Variants in IL1RL2 observed in about 807,000 individuals in gnomAD.
IL1RL2 encodes the protein interleukin-1 receptor-like 2.
A neutral mutation model predicts 66.8 loss-of-function variants in IL1RL2; 68 were observed. The ratio of observed to expected loss-of-function variants is 1.02; its 90% confidence interval spans 0.84 to 1.25. The LOEUF (loss-of-function observed/expected upper bound fraction) is 1.25. Among genes scored for constraint, IL1RL2 ranks in the 50% most tolerant of loss-of-function variants. The pLI, the probability that IL1RL2 is intolerant of heterozygous loss-of-function variation, is 0.00. For synonymous variants in IL1RL2, 305 were observed against 264.6 expected (o/e 1.15, Z -1.48); for missense variants, 729 against 709.3 (o/e 1.03, Z -0.32).
At chr2:102,191,045 T>A (rs934709413) in intron 3 of IL1RL2, among the ~76,000 whole-genome samples, 1 of 152,202 alleles carries the variant, frequency 6.6e-6, no homozygotes, top group Non-Finnish European at 1.5e-5. Flanking sequence ...CTACCCTTTA[T>A]CTAGATTCCT....
intron 5 of IL1RL2, among the ~76,000 whole-genome samples, chr2:102,204,871 G>A (rs1016890513): frequency 1.3e-5 from 2 of 151,490 alleles, no homozygotes; most frequent in African/African-American, 4.8e-5. Flanking sequence ...TTGATAGGTA[G>A]AACTTACTCC....
At chr2:102,220,132 A>C in intron 8 of IL1RL2, 115 bp downstream of exon 8, 1 of 893,484 alleles carries the variant, frequency 1.1e-6, no homozygotes, top group Non-Finnish European at 1.6e-6. Context: ...GTGATATTAA[A>C]GGGACAAACT....
At chr2:102,198,692 C>T (rs1687987944) in intron 4 of IL1RL2, among the ~76,000 whole-genome samples, 1 of 152,058 alleles carries the variant, frequency 6.6e-6, no homozygotes, top group Non-Finnish European at 1.5e-5. Flanking sequence ...TTGTAATCAT[C>T]ACTGAGTTCT....
chr2:102,235,673 A>G, intron 11 of IL1RL2: 1 of 985,302 alleles, frequency 1.0e-6, no homozygotes, highest in Non-Finnish European at 1.2e-6. Flanking sequence ...CTGTCGGGGG[A>G]CCACAGGAGG....
At chr2:102,225,580 G>A (rs911134494) in intron 8 of IL1RL2, among the ~76,000 whole-genome samples, 15 of 152,312 alleles carry the variant, frequency 9.8e-5, no homozygotes, top group Middle Eastern at 3.4e-3. Context: ...GAACCTGGAC[G>A]TGTGTGTTTT....
intron 4 of IL1RL2, among the ~76,000 whole-genome samples, chr2:102,197,093 C>G (rs1339915480): frequency 2.0e-5 from 3 of 151,962 alleles, no homozygotes; most frequent in Admixed American, 2.0e-4. Flanking sequence ...TCTGAGGGCC[C>G]CTAATTTTTC....
intron 6 of IL1RL2, among the ~76,000 whole-genome samples, chr2:102,213,531 A>T (rs909402720): frequency 1.3e-5 from 2 of 152,154 alleles, no homozygotes; most frequent in African/African-American, 2.4e-5. Context: ...CTAAAGAAAA[A>T]TTTAAAAACT....
chr2:102,230,859 T>C (rs1189271547), intron 9 of IL1RL2, among the ~76,000 whole-genome samples: 1 of 152,172 alleles, frequency 6.6e-6, no homozygotes, highest in African/African-American at 2.4e-5. Context: ...GACTGAGAAA[T>C]GGTGTTATGT....
At chr2:102,202,127 G>A (rs184293980) in intron 5 of IL1RL2, among the ~76,000 whole-genome samples, 4 of 152,120 alleles carry the variant, frequency 2.6e-5, no homozygotes, top group South Asian at 2.1e-4. Context: ...CTCAAGTGCC[G>A]CAGAGCTCAG....
chr2:102,194,890 C>T (rs1451113446), intron 4 of IL1RL2, among the ~76,000 whole-genome samples: 1 of 150,206 alleles, frequency 6.7e-6, no homozygotes, highest in Non-Finnish European at 1.5e-5. Context: ...TGCGGGTTAC[C>T]TTGTCCAGGA....
Position 102,235,263 on chromosome 2 carries a change from G to A in IL1RL2, c.1664G>A (p.Cys555Tyr), listed in dbSNP as rs1674777001. 5 of 1,613,126 alleles carry A rather than the reference G, an allele frequency of 3.1e-6. No homozygotes were observed. The highest frequency in any genetic ancestry group is 2.7e-5 in the African/African-American group (2 of 74,934). ...PPVQLLQHTP[C>Y]YRTAGPELGS... ...GTCCAGCTGCTGCAGCACACACCTT[G>A]CTACCGCACCGCAGGTGAGCGGGTG... Residue 555 changes from cysteine (C) to tyrosine (Y), a missense_variant, in exon 11 of 12, where the codon TGC becomes TAC. Transcript: ENST00000264257.
chr2:102,209,389 T>C (rs1289702777), intron 5 of IL1RL2, among the ~76,000 whole-genome samples: 1 of 152,104 alleles, frequency 6.6e-6, no homozygotes, highest in Admixed American at 6.5e-5. Context: ...TGGGAAGGCT[T>C]CCAAGAGGAA....
chr2:102,191,633 G>T (rs1345359198), intron 3 of IL1RL2, among the ~76,000 whole-genome samples: 1 of 152,172 alleles, frequency 6.6e-6, no homozygotes, highest in East Asian at 1.9e-4. Flanking sequence ...GGAATGCTAG[G>T]TGAGGCTTTG....
chr2:102,217,292 C>A (rs1171885339), intron 6 of IL1RL2, among the ~76,000 whole-genome samples: 4 of 152,132 alleles, frequency 2.6e-5, no homozygotes, highest in Admixed American at 2.0e-4. Context: ...ATCCTTTGTT[C>A]ATGAATTGGA....
At chr2:102,192,296 AT>A (rs1687301475) in intron 4 of IL1RL2, among the ~76,000 whole-genome samples, 176 bp downstream of exon 4, 1 of 152,184 alleles carries the variant, frequency 6.6e-6, no homozygotes, top group Admixed American at 6.5e-5. Context: ...GTTTTTAAAC[AT>A]TTTTGGTTAT....
At chr2:102,208,326 A>G (rs1688872313) in intron 5 of IL1RL2, among the ~76,000 whole-genome samples, 1 of 152,158 alleles carries the variant, frequency 6.6e-6, no homozygotes, top group Non-Finnish European at 1.5e-5. Context: ...TCCCCAAGCT[A>G]TACATTTTAC....
intron 4 of IL1RL2, among the ~76,000 whole-genome samples, chr2:102,200,448 C>G (rs995043136): frequency 1.3e-5 from 2 of 151,922 alleles, no homozygotes; most frequent in Non-Finnish European, 2.9e-5. Flanking sequence ...GAGGAGAGAG[C>G]CTAACACTTG....
chr2:102,201,564 C>A lies in IL1RL2; in HGVS notation c.498C>A (p.Asn166Lys). 1 of 1,613,764 alleles carries A rather than the reference C, an allele frequency of 6.2e-7. No homozygotes were observed. The highest frequency in any genetic ancestry group is 1.1e-5 in the South Asian group (1 of 91,058). Residue 166 changes from asparagine to lysine, a missense_variant, in exon 5 of 12, where the codon AAC becomes AAA. Transcript: ENST00000264257. ...LGPIKWYKDC[N>K]EIKGERFTVL... ...GTTTTTATTTGTATTAGGACTGTAA[C>A]GAGATTAAAGGGGAGCGGTTCACTG... is the stretch of plus-strand genomic sequence containing the variant.
At chr2:102,239,165 G>A (rs756682038) in intron 11 of IL1RL2, 27 bp from the exon 12 acceptor site, 3 of 1,609,994 alleles carry the variant, frequency 1.9e-6, no homozygotes, top group East Asian at 4.5e-5. Flanking sequence ...ATCAGAAAAG[G>A]AGTAAATAGA....
Sources: gnomAD v4.1 joint callset for allele counts (sites outside exome capture counted in the v4.1 genomes callset) on GRCh38, gnomAD v4.1.1 for gene constraint, MANE v1.5 for transcripts, NCBI Gene and HGNC (gene_info 2026-07-23, HGNC 2026-07-21) for gene names.